Variants in BARD1 observed in about 807,000 individuals in gnomAD.
BARD1 encodes the protein BRCA1-associated RING domain protein 1.
BARD1 carries 73 observed loss-of-function variants against 77.0 expected under a neutral mutation model. The observed-to-expected ratio is 0.95, with a 90% CI of 0.79 to 1.15. The LOEUF is 1.15. Among genes scored for constraint, BARD1 ranks in the 50% most tolerant of loss-of-function variants. BARD1 has a pLI of 0.00. For missense variants in BARD1, 993 were observed against 938.8 expected (o/e 1.06, Z -0.75); for synonymous variants, 384 against 338.0 (o/e 1.14, Z -1.49).
intron 2 of BARD1, among the ~76,000 whole-genome samples, chr2:214,795,265 G>A (rs780681879): frequency 7.9e-5 from 12 of 152,170 alleles, no homozygotes; most frequent in Non-Finnish European, 1.2e-4. Flanking sequence ...TCTGGCATAA[G>A]TACATTTCAC....
chr2:214,798,407 T>A (rs759924329), intron 1 of BARD1, among the ~76,000 whole-genome samples: 1 of 152,214 alleles, frequency 6.6e-6, no homozygotes, highest in African/African-American at 2.4e-5. Context: ...ATACTGTGTC[T>A]ATAATTTTTG....
intron 7 of BARD1, among the ~76,000 whole-genome samples, chr2:214,749,468 T>C (rs369900634): frequency 6.6e-6 from 1 of 152,206 alleles, no homozygotes; most frequent in Admixed American, 6.5e-5. Flanking sequence ...CTACATGACA[T>C]GCCCAAAGTA....
At chr2:214,787,606 T>C (rs1006164887) in intron 3 of BARD1, among the ~76,000 whole-genome samples, 4 of 151,926 alleles carry the variant, frequency 2.6e-5, no homozygotes, top group African/African-American at 7.2e-5. Context: ...TGAAGAAAAA[T>C]ACTGGTCCTT....
chr2:214,785,489 A>G (rs1279478991), intron 3 of BARD1, among the ~76,000 whole-genome samples: 1 of 152,112 alleles, frequency 6.6e-6, no homozygotes, highest in Non-Finnish European at 1.5e-5. Context: ...GTACTAGTGA[A>G]TAAATTATTT....
chr2:214,728,269 T>C lies in BARD1; in HGVS notation c.*407A>G, dbSNP rs1692167287. 1 of 232,188 alleles carries C rather than the reference T, an allele frequency of 4.3e-6. No homozygotes were observed. Among genetic ancestry groups the C allele is most frequent in the African/African-American group, 2.4e-5 (1 of 41,580 alleles). 14.4% of individuals were successfully genotyped at this position (232,188 alleles called of 1,614,324 possible). ...AAAGCCAAAATAAATTGTTTGATAA[T>C]ATTCTGTTTACTAAAAAAAAAAAAA... On this transcript the variant is annotated 3_prime_UTR_variant, in exon 11 of 11. Coordinates refer to ENST00000260947, the MANE Select transcript of BARD1 (RefSeq NM_000465.4).
chr2:214,776,778 C>A (rs1471006859), intron 4 of BARD1, among the ~76,000 whole-genome samples: 5 of 152,190 alleles, frequency 3.3e-5, no homozygotes, highest in Admixed American at 3.3e-4. Flanking sequence ...AGTGGACACA[C>A]CTTGAGATGG....
At chr2:214,783,730 T>C (rs1237190565) in intron 3 of BARD1, among the ~76,000 whole-genome samples, 2 of 152,126 alleles carry the variant, frequency 1.3e-5, no homozygotes, top group Admixed American at 6.6e-5. Context: ...TCTACAACCA[T>C]CTGATTTTTG....
rs1412374592 is a variant in BARD1 at position 214,751,043 on chromosome 2, C to A, written c.1677+1404G>T. ...ATTAGACACTCTGCTAAAATGTTTA[C>A]CCTGAAAGACTTAGGACACCTTTCT... On this transcript the variant is annotated intron_variant, in intron 7 of 10. Transcript: ENST00000260947. 2.1e-5 allele frequency among the ~76,000 whole-genome samples: 3 copies of A among 142,928 alleles called. No homozygotes were observed. The East Asian group carries it at 6.2e-4, about 29-fold the overall frequency. 93.8% of individuals were successfully genotyped at this position (142,928 alleles called of 152,430 possible). A position where few individuals can be genotyped will look rare whatever the true frequency, so the allele number is the denominator to read the frequency against.
In BARD1 at chr2:214,791,267, C is replaced by T. The variant is rs556733221; in HGVS notation, c.364+1030G>A. On this transcript the variant is annotated intron_variant, in intron 3 of 10. Transcript: ENST00000260947. ...AAGTTCTAATTCTTAAAAATATGGA[C>T]CTGTGGTAAGACTCAAAGTTTTTGC... Among the ~76,000 whole-genome samples the T allele has an allele frequency of 2.6e-5, 4 of 152,202 alleles. No homozygotes were observed. In the South Asian group the frequency reaches 6.2e-4, roughly 24 times the overall value.
rs280621 is a variant in BARD1, at chr2:214,725,858, C to T, written c.*2818G>A. On this transcript the variant is annotated 3_prime_UTR_variant, in exon 11 of 11. Transcript: ENST00000260947. Reference sequence around the variant, plus strand: ...ATAGACAATTGTGACTGTAATGAGGCCCATGAACGTTTAGAATATGATTAA... The same window carrying T: ...ATAGACAATTGTGACTGTAATGAGGTCCATGAACGTTTAGAATATGATTAA... 0.9 allele frequency: 200,326 copies of T among 222,160 alleles called. 90,403 individuals are homozygous for T. The highest frequency in any genetic ancestry group is 0.93 in the South Asian group (5,068 of 5,442). 13.8% of individuals were successfully genotyped at this position (222,160 alleles called of 1,614,324 possible).
At chr2:214,798,958 A>G (rs1419304723) in intron 1 of BARD1, among the ~76,000 whole-genome samples, 3 of 151,928 alleles carry the variant, frequency 2.0e-5, no homozygotes, top group Non-Finnish European at 2.9e-5. Flanking sequence ...CTCTACTAAA[A>G]ATACAAAAAT....
rs1574840055 is a variant in BARD1, at chr2:214,792,441, A to G, written c.220T>C (p.Cys74Arg). 6.3e-7 allele frequency: 1 copy of G among 1,580,696 alleles called. No individual in the cohort carries two copies. Among genetic ancestry groups the G allele is most frequent in the Non-Finnish European group, 8.6e-7 (1 of 1,169,016 alleles). Residue 74 changes from cysteine to arginine, a missense_variant, in exon 3 of 11, where the codon TGT becomes CGT. Coordinates refer to ENST00000260947, the MANE Select transcript of BARD1 (RefSeq NM_000465.4). Reference sequence around the variant, plus strand: ...CCAGTTCCAATGCAGTCACTTACACAATTACTTTAAAATAATTAAAAAAAA... The same window carrying G: ...CCAGTTCCAATGCAGTCACTTACACGATTACTTTAAAATAATTAAAAAAAA... ...GGCEHIFCSN[C>R]VSDCIGTGCP...
At chr2:214,729,363 T>C (rs957533271) in intron 10 of BARD1, among the ~76,000 whole-genome samples, 3 of 152,238 alleles carry the variant, frequency 2.0e-5, no homozygotes, top group African/African-American at 7.2e-5. Flanking sequence ...AATTTTCCAC[T>C]TGTGGCATCA....
chr2:214,774,217 A>G (rs188202720), intron 4 of BARD1, among the ~76,000 whole-genome samples: 22 of 152,022 alleles, frequency 1.4e-4, no homozygotes, highest in Admixed American at 9.8e-4. Flanking sequence ...ACTGTAATCA[A>G]CTCTTTTCCA....
chr2:214,795,063 G>A (rs11687400), intron 2 of BARD1, among the ~76,000 whole-genome samples: 8,935 of 152,146 alleles, frequency 0.059, 368 homozygotes, highest in Middle Eastern at 0.12. Flanking sequence ...TTATGCTCTA[G>A]CAGCTTTGTG....
chr2:214,809,500 G>C lies in BARD1; in HGVS notation c.70C>G (p.Pro24Ala), dbSNP rs1048108. 4 of 1,603,392 alleles carry C rather than the reference G, an allele frequency of 2.5e-6. No individual in the cohort carries two copies. ...CCGCGACCATCCGGTTCCATGGCGGGCGCGGAACGAGGCTCGTTCCCGGAG... is the reference window on the plus strand; with the variant it reads ...CCGCGACCATCCGGTTCCATGGCGGCCGCGGAACGAGGCTCGTTCCCGGAG... ...IRSGNEPRSA[P>A]AMEPDGRGAW... The change falls in exon 1 of 11, where the codon CCC (proline) becomes GCC (alanine). Residue 24 changes from proline to alanine, a missense_variant. Coordinates refer to ENST00000260947, the MANE Select transcript of BARD1 (RefSeq NM_000465.4).
chr2:214,744,720 T>A (rs1375598496), intron 9 of BARD1, among the ~76,000 whole-genome samples: 2 of 152,030 alleles, frequency 1.3e-5, no homozygotes, highest in Non-Finnish European at 2.9e-5. Flanking sequence ...AAGCTCCACC[T>A]CCCAGGTTCA....
At chr2:214,791,903 T>C (rs1054645412) in intron 3 of BARD1, among the ~76,000 whole-genome samples, 1 of 152,172 alleles carries the variant, frequency 6.6e-6, no homozygotes, top group African/African-American at 2.4e-5. Context: ...CTCCAGCTTC[T>C]AGTACTAACT....
chr2:214,733,182 G>A (rs1046603207), intron 9 of BARD1, among the ~76,000 whole-genome samples: 8 of 152,068 alleles, frequency 5.3e-5, no homozygotes, highest in Admixed American at 2.0e-4. Flanking sequence ...CCACTTCGGC[G>A]CTCTTCCTAT....
Sources: gnomAD v4.1 joint callset for allele counts (sites outside exome capture counted in the v4.1 genomes callset) on GRCh38, gnomAD v4.1.1 for gene constraint, MANE v1.5 for transcripts, NCBI Gene and HGNC (gene_info 2026-07-23, HGNC 2026-07-21) for gene names.